GPATCH2: variants seen among roughly 807,000 people sequenced by gnomAD.
GPATCH2 encodes the protein G-patch domain containing 2, also known as G patch domain-containing protein 2.
GPATCH2 carries 51 observed loss-of-function variants against 58.0 expected under a neutral mutation model. The observed-to-expected ratio is 0.88, with a 90% CI of 0.70 to 1.11. The LOEUF is 1.11. Among genes scored for constraint, GPATCH2 ranks in the 50% most tolerant of loss-of-function variants. The pLI, the probability that GPATCH2 is intolerant of heterozygous loss-of-function variation, is 0.00. For missense variants in GPATCH2, 625 were observed against 652.2 expected (o/e 0.96, Z 0.45); for synonymous variants, 222 against 218.5 (o/e 1.02, Z -0.14).
intron 8 of GPATCH2, among the ~76,000 whole-genome samples, chr1:217,463,090 T>C (rs1660269093): frequency 6.6e-6 from 1 of 152,222 alleles, no homozygotes; most frequent in African/African-American, 2.4e-5. Context: ...TTTGGCATTT[T>C]TGAGGCCCAA....
At chr1:217,439,383 T>A (rs192703901) in intron 9 of GPATCH2, among the ~76,000 whole-genome samples, 3 of 152,088 alleles carry the variant, frequency 2.0e-5, no homozygotes, top group East Asian at 3.9e-4. Flanking sequence ...TAGAGGGAAA[T>A]TGATAGCACT....
chr1:217,519,035 G>C (rs1221242217), intron 5 of GPATCH2, among the ~76,000 whole-genome samples: 1 of 152,160 alleles, frequency 6.6e-6, no homozygotes, highest in South Asian at 2.1e-4. Context: ...CTTCTTTGAA[G>C]AAAGAAACAA....
Position 217,619,872 on chromosome 1 carries a change from T to A in GPATCH2, c.684A>T (p.Val228=). Residue 228 remains valine (V), a synonymous_variant, in exon 2 of 10, where the codon GTA becomes GTT. Coordinates refer to ENST00000366935, the MANE Select transcript of GPATCH2 (RefSeq NM_018040.5). ...GGTTCGTTTCCTCACTTTCTAAAACTACTCCTTCATCTTGGATTTTTGGTC... is the reference window on the plus strand; with the variant it reads ...GGTTCGTTTCCTCACTTTCTAAAACAACTCCTTCATCTTGGATTTTTGGTC... ...RQGPKIQDEG[V]VLESEETNQT... 6.2e-7 allele frequency: 1 copy of A among 1,613,934 alleles called. No individual in the cohort carries two copies. The highest frequency in any genetic ancestry group is 1.1e-5 in the South Asian group (1 of 91,074).
chr1:217,550,442 A>G (rs1427808975), intron 5 of GPATCH2, among the ~76,000 whole-genome samples: 3 of 152,112 alleles, frequency 2.0e-5, no homozygotes, highest in African/African-American at 7.2e-5. Context: ...ATTCTCATGA[A>G]GGGATACCAA....
At chr1:217,612,329 A>T (rs1053950395) in intron 3 of GPATCH2, among the ~76,000 whole-genome samples, 9 of 152,214 alleles carry the variant, frequency 5.9e-5, no homozygotes, top group Non-Finnish European at 1.3e-4. Context: ...TAATTGTCAT[A>T]AACTTTTCCC....
chr1:217,491,602 TA>T, intron 8 of GPATCH2, 77 bp downstream of exon 8: 1 of 625,220 alleles, frequency 1.6e-6, no homozygotes, highest in Non-Finnish European at 2.9e-6. Context: ...AAAGGCAACC[TA>T]ACAACAATTC....
chr1:217,515,257 G>A (rs973781041), intron 5 of GPATCH2, among the ~76,000 whole-genome samples: 9 of 151,542 alleles, frequency 5.9e-5, no homozygotes, highest in South Asian at 2.1e-4. Context: ...CACCACGCCC[G>A]GCTAATTTTT....
Position 217,433,789 on chromosome 1 carries a change from G to A in GPATCH2, c.1367-2424C>T, listed in dbSNP as rs140793375. On this transcript the variant is annotated intron_variant, in intron 9 of 9. Transcript: ENST00000366935. ...AAAGGAATGTCAGCATTGAACCAAC[G>A]GTGTATATTCTCTGGTAACTTGTGT... is the stretch of plus-strand genomic sequence containing the variant. 9.9e-4 allele frequency among the ~76,000 whole-genome samples: 151 copies of A among 152,234 alleles called. 1 individual carries two copies. Among genetic ancestry groups the A allele is most frequent in the Non-Finnish European group, 9.7e-4 (66 of 68,038 alleles).
intron 3 of GPATCH2, 144 bp downstream of exon 3, chr1:217,613,997 G>T (rs772260281): frequency 1.8e-6 from 1 of 559,592 alleles, no homozygotes; most frequent in African/African-American, 1.9e-5. Flanking sequence ...TAAAAAACCA[G>T]CTACGATACT....
At chr1:217,562,068 T>C (rs1263521342) in intron 5 of GPATCH2, among the ~76,000 whole-genome samples, 1 of 152,166 alleles carries the variant, frequency 6.6e-6, no homozygotes, top group Non-Finnish European at 1.5e-5. Context: ...AAGAAAACTA[T>C]CACCACACTA....
intron 9 of GPATCH2, among the ~76,000 whole-genome samples, chr1:217,443,705 T>C (rs1261794107): frequency 2.0e-5 from 3 of 152,180 alleles, no homozygotes; most frequent in African/African-American, 7.2e-5. Flanking sequence ...TTTCAATCAT[T>C]TTATCTCTCT....
At chr1:217,534,373 A>ACTGT (rs1664361422) in intron 5 of GPATCH2, among the ~76,000 whole-genome samples, 1 of 152,206 alleles carries the variant, frequency 6.6e-6, no homozygotes, top group Non-Finnish European at 1.5e-5. Context: ...CTCAAATCAG[A>ACTGT]AACACTAGAC....
chr1:217,527,877 A>T (rs1344898080), intron 5 of GPATCH2, among the ~76,000 whole-genome samples: 1 of 152,204 alleles, frequency 6.6e-6, no homozygotes, highest in Non-Finnish European at 1.5e-5. Context: ...ACTAGCTAAT[A>T]TGTTGCAGAC....
At chr1:217,572,979 A>G (rs1666638917) in intron 5 of GPATCH2, among the ~76,000 whole-genome samples, 1 of 152,248 alleles carries the variant, frequency 6.6e-6, no homozygotes, top group South Asian at 2.1e-4. Flanking sequence ...CGTTAGGACA[A>G]AATCCAGATG....
chr1:217,469,540 T>C (rs1440123454), intron 8 of GPATCH2, among the ~76,000 whole-genome samples: 1 of 152,140 alleles, frequency 6.6e-6, no homozygotes, highest in African/African-American at 2.4e-5. Context: ...AAAAACATAG[T>C]TATAACTCTT....
intron 5 of GPATCH2, among the ~76,000 whole-genome samples, chr1:217,569,634 G>A (rs1198003823): frequency 6.6e-6 from 1 of 152,192 alleles, no homozygotes; most frequent in Non-Finnish European, 1.5e-5. Flanking sequence ...GATGGAGGTT[G>A]CAGTGAGCGA....
intron 3 of GPATCH2, 42 bp downstream of exon 3, chr1:217,614,099 A>C: frequency 9.4e-7 from 1 of 1,067,220 alleles, no homozygotes; most frequent in South Asian, 1.3e-5. Flanking sequence ...CTTTAGAATG[A>C]AGAAGTTTTT....
chr1:217,497,289 A>G (rs1203183563), intron 7 of GPATCH2, among the ~76,000 whole-genome samples: 2 of 152,196 alleles, frequency 1.3e-5, no homozygotes, highest in East Asian at 1.9e-4. Context: ...AGAGGAACAC[A>G]TCATAGATGT....
At chr1:217,547,089 C>T (rs1050545626) in intron 5 of GPATCH2, among the ~76,000 whole-genome samples, 2 of 152,012 alleles carry the variant, frequency 1.3e-5, no homozygotes, top group Admixed American at 6.6e-5. Flanking sequence ...TCAAGCCAGG[C>T]GTGGTGGCTC....
Sources: allele counts gnomAD v4.1 joint callset (sites outside exome capture counted in the v4.1 genomes callset), GRCh38; gene constraint gnomAD v4.1.1; transcripts MANE v1.5; gene names NCBI Gene and HGNC (gene_info 2026-07-23, HGNC 2026-07-21).